Variants in TRAF3 observed in about 807,000 individuals in gnomAD.
The protein encoded by TRAF3 is TNF receptor-associated factor 3.
A neutral mutation model predicts 62.3 loss-of-function variants in TRAF3; 13 were observed. The observed-to-expected ratio is 0.21, with a 90% CI of 0.14 to 0.33. The LOEUF (loss-of-function observed/expected upper bound fraction) is 0.33, where lower values mean the gene tolerates loss of function less well. Ranked by LOEUF, TRAF3 falls within the 10% of genes least tolerant of loss-of-function variation. The pLI is 1.00. For missense variants in TRAF3, 440 were observed against 741.8 expected, an observed-to-expected ratio of 0.59 and a Z score of 4.73; for synonymous variants, 269 against 283.4, an observed-to-expected ratio of 0.95 and a Z score of 0.51.
chr14:102,870,456 C>CTCGCCCGGCCCG lies in TRAF3; in HGVS notation c.245+22_245+33dup. 6.2e-7 allele frequency: 1 copy of CTCGCCCGGCCCG among 1,609,060 alleles called. No individual in the cohort carries two copies. The highest frequency in any genetic ancestry group is 8.5e-7 in the Non-Finnish European group (1 of 1,179,586). ...TGGCGGCCCTGCTGAGGTAGGCGCC[C>CTCGCCCGGCCCG]TCGCCCGGCCCGTCGCCCGGCCCCT... is the stretch of plus-strand genomic sequence containing the variant. On this transcript the variant is annotated intron_variant, in intron 3 of 11. Coordinates refer to ENST00000392745, the MANE Select transcript of TRAF3 (RefSeq NM_145725.3).
At chr14:102,901,691 C>G (rs1173989240) in intron 10 of TRAF3, among the ~76,000 whole-genome samples, 1 of 152,230 alleles carries the variant, frequency 6.6e-6, no homozygotes, top group African/African-American at 2.4e-5. Context: ...TAGAGGTTAA[C>G]TAATATCATG....
At chr14:102,870,152 A>T in intron 2 of TRAF3, 33 bp from the exon 3 acceptor site, 2 of 1,613,832 alleles carry the variant, frequency 1.2e-6, no homozygotes, top group South Asian at 1.1e-5. Flanking sequence ...GCATGAGAGG[A>T]TATGATGGCA....
intron 1 of TRAF3, among the ~76,000 whole-genome samples, chr14:102,793,978 A>G (rs186182248): frequency 7.2e-5 from 11 of 152,246 alleles, no homozygotes. Context: ...TCCAGTCATG[A>G]GGGTCCAAGA....
chr14:102,884,886 C>T (rs1889285363), intron 6 of TRAF3, among the ~76,000 whole-genome samples: 1 of 152,136 alleles, frequency 6.6e-6, no homozygotes, highest in South Asian at 2.1e-4. Flanking sequence ...TCCCACTCAC[C>T]CCATTTTTTT....
chr14:102,870,192 C>T lies in TRAF3; in HGVS notation c.-10C>T, dbSNP rs1179266345. 5.0e-6 allele frequency: 8 copies of T among 1,614,022 alleles called. No homozygotes were observed. Among genetic ancestry groups the T allele is most frequent in the Non-Finnish European group, 6.8e-6 (8 of 1,180,034 alleles). On this transcript the variant is annotated 5_prime_UTR_variant, in exon 3 of 12. Coordinates refer to ENST00000392745, the MANE Select transcript of TRAF3 (RefSeq NM_145725.3). ...ACTGTTTTTTCCCGACAGAACTCCTCTTTCCTAAAATGGAGTCGAGTAAAA... is the reference window on the plus strand; with the variant it reads ...ACTGTTTTTTCCCGACAGAACTCCTTTTTCCTAAAATGGAGTCGAGTAAAA...
intron 5 of TRAF3, 54 bp from the exon 6 acceptor site, chr14:102,876,304 T>C: frequency 6.3e-7 from 1 of 1,580,648 alleles, no homozygotes; most frequent in African/African-American, 1.3e-5. Context: ...AATCTGGTAT[T>C]TCAGATTTAG....
chr14:102,865,478 C>A (rs956597002), intron 2 of TRAF3, among the ~76,000 whole-genome samples: 1 of 151,402 alleles, frequency 6.6e-6, no homozygotes, highest in Non-Finnish European at 1.5e-5. Context: ...TCATCAGCAT[C>A]ACTCATAAGT....
At chr14:102,871,503 A>G (rs142107375) in intron 3 of TRAF3, among the ~76,000 whole-genome samples, 59 of 152,292 alleles carry the variant, frequency 3.9e-4, no homozygotes, top group African/African-American at 1.4e-3. Context: ...TGGCCTTCCA[A>G]TAGACAGTGA....
intron 2 of TRAF3, among the ~76,000 whole-genome samples, chr14:102,852,265 A>G (rs931795408): frequency 5.3e-5 from 8 of 152,070 alleles, no homozygotes; most frequent in African/African-American, 1.7e-4. Context: ...ATGCCCGACA[A>G]CCACCACAGA....
chr14:102,894,996 C>A (rs1356407459), intron 9 of TRAF3: 1 of 444,254 alleles, frequency 2.3e-6, no homozygotes, highest in East Asian at 7.1e-5. Context: ...GCCATCACAG[C>A]TGGCCTATTG....
At chr14:102,892,340 G>A (rs920324812) in intron 9 of TRAF3, among the ~76,000 whole-genome samples, 1 of 152,184 alleles carries the variant, frequency 6.6e-6, no homozygotes, top group Non-Finnish European at 1.5e-5. Flanking sequence ...TGACAGGCGT[G>A]AGCCACCACG....
intron 5 of TRAF3, 88 bp downstream of exon 5, chr14:102,875,816 C>T: frequency 9.0e-7 from 1 of 1,106,938 alleles, no homozygotes; most frequent in Non-Finnish European, 1.4e-6. Flanking sequence ...TAGGATGTGG[C>T]ACTTTAAGAC....
intron 6 of TRAF3, 112 bp downstream of exon 6, chr14:102,876,637 T>C (rs1888671187): frequency 2.1e-6 from 3 of 1,402,298 alleles, no homozygotes; most frequent in Non-Finnish European, 2.9e-6. Context: ...CCTCAACTCA[T>C]AGATAATCCG....
chr14:102,865,497 ATTTTT>A (rs558222101), intron 2 of TRAF3, among the ~76,000 whole-genome samples: 1 of 133,700 alleles, frequency 7.5e-6, no homozygotes, highest in East Asian at 2.1e-4. Flanking sequence ...GTTAATCTGA[ATTTTT>A]TTTTTTTTTT....
intron 9 of TRAF3, 61 bp from the exon 10 acceptor site, chr14:102,897,200 T>C (rs1890049504): frequency 2.7e-6 from 4 of 1,469,580 alleles, no homozygotes; most frequent in Non-Finnish European, 2.8e-6. Flanking sequence ...TTAATTGATA[T>C]TGTTGTTAAT....
chr14:102,791,987 T>A (rs983797144), intron 1 of TRAF3, among the ~76,000 whole-genome samples: 2 of 151,860 alleles, frequency 1.3e-5, no homozygotes, highest in African/African-American at 4.8e-5. Context: ...TGTTTTTTTT[T>A]ATTTTTTATT....
chr14:102,864,861 G>A (rs993472480), intron 2 of TRAF3, among the ~76,000 whole-genome samples: 15 of 152,186 alleles, frequency 9.9e-5, no homozygotes, highest in African/African-American at 3.1e-4. Flanking sequence ...GCATGACTGC[G>A]TTGGGCTGAG....
chr14:102,853,669 C>G (rs1449210425), intron 2 of TRAF3, among the ~76,000 whole-genome samples: 1 of 151,838 alleles, frequency 6.6e-6, no homozygotes, highest in Non-Finnish European at 1.5e-5. Context: ...ACCCCCATCT[C>G]TACTAAAAAT....
chr14:102,834,720 C>G (rs892731428), intron 2 of TRAF3, among the ~76,000 whole-genome samples: 2 of 148,126 alleles, frequency 1.4e-5, no homozygotes, highest in African/African-American at 5.1e-5. Context: ...AATTGGACCC[C>G]TTCCCTACAC....
Sources: gnomAD v4.1 joint callset for allele counts (sites outside exome capture counted in the v4.1 genomes callset) on GRCh38, gnomAD v4.1.1 for gene constraint, MANE v1.5 for transcripts, NCBI Gene and HGNC (gene_info 2026-07-23, HGNC 2026-07-21) for gene names.